C14orf132: variants seen among roughly 807,000 people sequenced by gnomAD.
C14orf132 encodes the protein chromosome 14 open reading frame 132.
In C14orf132, 6 loss-of-function variants were observed where a neutral mutation model predicts 5.8. That is an observed-to-expected ratio of 1.03 (90% confidence interval 0.57 to 2.04). The LOEUF (loss-of-function observed/expected upper bound fraction) is 2.04. C14orf132 is among the 30% of genes most tolerant of loss of function. C14orf132 has a pLI of 0.00. For missense variants in C14orf132, 125 were observed against 115.8 expected (o/e 1.08, Z -0.37); for synonymous variants, 51 against 49.8 (o/e 1.02, Z -0.10).
rs200478440 is a variant in C14orf132, at chr14:96,068,415, G to A, written c.28-18096G>A. Among the ~76,000 whole-genome samples the A allele has an allele frequency of 2.1e-4, 32 of 152,244 alleles. No individual in the cohort carries two copies. In the East Asian group the frequency reaches 2.9e-3, roughly 14 times the overall value. On this transcript the variant is annotated intron_variant, in intron 1 of 1. Transcript: ENST00000555004. ...ATCTTAGGCGGGGTGCTCCGTGCCC[G>A]TCCAGCGGGCACTCACTGCAGATTC... is the stretch of plus-strand genomic sequence containing the variant.
In C14orf132 at chr14:96,085,608, T is replaced by C. The variant is rs150454624; in HGVS notation, c.28-903T>C. 4.0e-4 allele frequency among the ~76,000 whole-genome samples: 61 copies of C among 152,330 alleles called. No individual in the cohort carries two copies. The East Asian group carries it at 0.011, about 26-fold the overall frequency. Reference sequence around the variant, plus strand: ...GTGCAGTGATGTGCGGCGTGGGCGGTGGGAATTAGGGAACCTCTTCTAGCG... The same window carrying C: ...GTGCAGTGATGTGCGGCGTGGGCGGCGGGAATTAGGGAACCTCTTCTAGCG... On this transcript the variant is annotated intron_variant, in intron 1 of 1. Coordinates refer to ENST00000555004, the MANE Select transcript of C14orf132 (RefSeq NM_001252507.3).
At chr14:96,053,673 C>T (rs957437228) in intron 1 of C14orf132, among the ~76,000 whole-genome samples, 16 of 152,312 alleles carry the variant, frequency 1.1e-4, no homozygotes, top group Non-Finnish European at 2.1e-4. Context: ...CCCATGATGG[C>T]CTTTGCCTGT....
chr14:96,061,393 C>T (rs1416734720), intron 1 of C14orf132, among the ~76,000 whole-genome samples: 2 of 152,104 alleles, frequency 1.3e-5, no homozygotes, highest in Non-Finnish European at 2.9e-5. Context: ...GGCATGTATT[C>T]GCACCCCTTA....
chr14:96,066,792 T>C, intron 1 of C14orf132, among the ~76,000 whole-genome samples: 1 of 152,298 alleles, frequency 6.6e-6, no homozygotes, highest in African/African-American at 2.4e-5. Flanking sequence ...TAATGTAATA[T>C]AATAGAATGT....
intron 1 of C14orf132, among the ~76,000 whole-genome samples, chr14:96,073,709 AATT>A (rs1359189426): frequency 6.6e-6 from 1 of 152,192 alleles, no homozygotes; most frequent in Non-Finnish European, 1.5e-5. Flanking sequence ...ATATATAATA[AATT>A]ATTCTATTAA....
chr14:96,061,458 C>T (rs1054934537), intron 1 of C14orf132, among the ~76,000 whole-genome samples: 6 of 152,144 alleles, frequency 3.9e-5, no homozygotes, highest in African/African-American at 9.7e-5. Flanking sequence ...AAACAGCAAA[C>T]GTGGCTGCCT....
chr14:96,056,533 G>A (rs566181335), intron 1 of C14orf132, among the ~76,000 whole-genome samples: 570 of 152,268 alleles, frequency 3.7e-3, no homozygotes, highest in Non-Finnish European at 6.1e-3. Context: ...TGGGTGACTT[G>A]AGCACATCAC....
chr14:96,078,433 C>A (rs75745359), intron 1 of C14orf132, among the ~76,000 whole-genome samples: 2,260 of 152,292 alleles, frequency 0.015, 74 homozygotes, highest in African/African-American at 0.052. Context: ...AAGGCAAAAA[C>A]CCCAGTAAGC....
chr14:96,073,351 A>T (rs959456499), intron 1 of C14orf132, among the ~76,000 whole-genome samples: 1 of 152,164 alleles, frequency 6.6e-6, no homozygotes, highest in African/African-American at 2.4e-5. Context: ...GTTGTTTTCC[A>T]GCCTCATTAA....
chr14:96,041,920 G>A (rs1886703849), intron 1 of C14orf132, among the ~76,000 whole-genome samples: 1 of 152,228 alleles, frequency 6.6e-6, no homozygotes. Context: ...AGACACAGAG[G>A]GGAATGGCTA....
In C14orf132 at chr14:96,091,196, CT is replaced by C. The variant is rs921411978; in HGVS notation, c.*4462del. The C allele has an allele frequency of 4.4e-5, 16 of 364,700 alleles. No homozygotes were observed. The highest frequency in any genetic ancestry group is 3.4e-4 in the African/African-American group (16 of 46,980). The allele number at this position is 364,700 out of a possible 1,614,324, so 22.6% of individuals were successfully genotyped here. ...CATCATGCCCACCAGGGTGATCCCC[CT>C]GGGATGGACCATCTCGGGATATGAG... On this transcript the variant is annotated 3_prime_UTR_variant, in exon 2 of 2. Transcript: ENST00000555004.
At chr14:96,054,457 C>G (rs12433572) in intron 1 of C14orf132, among the ~76,000 whole-genome samples, 12,434 of 152,202 alleles carry the variant, frequency 0.082, 640 homozygotes, top group East Asian at 0.17. Context: ...TCCCGGCCTG[C>G]CTCCACCACT....
chr14:96,057,904 G>A (rs1258852410), intron 1 of C14orf132, among the ~76,000 whole-genome samples: 2 of 152,148 alleles, frequency 1.3e-5, no homozygotes, highest in Non-Finnish European at 2.9e-5. Context: ...GGAGGTTGGA[G>A]AAGTTAACCT....
chr14:96,066,668 G>A (rs943392556), intron 1 of C14orf132, among the ~76,000 whole-genome samples: 4 of 152,042 alleles, frequency 2.6e-5, no homozygotes, highest in South Asian at 2.1e-4. Flanking sequence ...GACTCAACCC[G>A]TATCCTACAA....
chr14:96,081,312 C>T lies in C14orf132; in HGVS notation c.28-5199C>T, dbSNP rs372518509. Among the ~76,000 whole-genome samples, 10 of 152,322 alleles carry T rather than the reference C, an allele frequency of 6.6e-5. No homozygotes were observed. In the South Asian group the frequency reaches 1.2e-3, roughly 19 times the overall value. On this transcript the variant is annotated intron_variant, in intron 1 of 1. Coordinates refer to ENST00000555004, the MANE Select transcript of C14orf132 (RefSeq NM_001252507.3). Reference sequence around the variant, plus strand: ...AACCTCCCAGCAGCCCCCTTCTATACGGCTGTCTTTATTATTTCCTCTGTT... The same window carrying T: ...AACCTCCCAGCAGCCCCCTTCTATATGGCTGTCTTTATTATTTCCTCTGTT...
Position 96,086,641 on chromosome 14 carries a change from G to A in C14orf132, c.158G>A (p.Arg53Gln), listed in dbSNP as rs1188567084. The change falls in exon 2 of 2, where the codon CGG becomes CAG. Residue 53 changes from arginine (R) to glutamine (Q), a missense_variant. By Grantham distance (43) the Arg-to-Gln change is conservative. Transcript: ENST00000555004. The stretch of plus-strand genomic sequence containing the variant: ...CAGGGCCAGCCGGAAGATCCTCCTC[G>A]GTCCTCCAACGACGCCGTCTTGCTA... ...NGQGQPEDPP[R>Q]SSNDAVLLWI... 2.9e-5 allele frequency: 45 copies of A among 1,536,144 alleles called. No homozygotes were observed. The East Asian group carries it at 7.8e-4, about 27-fold the overall frequency.
intron 1 of C14orf132, among the ~76,000 whole-genome samples, chr14:96,065,327 G>A (rs1288546877): frequency 6.6e-6 from 1 of 152,128 alleles, no homozygotes; most frequent in Non-Finnish European, 1.5e-5. Flanking sequence ...CTCCAGTGGA[G>A]AATCTGGCCT....
chr14:96,071,239 T>G (rs10141319), intron 1 of C14orf132, among the ~76,000 whole-genome samples: 2 of 152,008 alleles, frequency 1.3e-5, no homozygotes, highest in African/African-American at 4.8e-5. Flanking sequence ...TATAAAGCCA[T>G]GAGATTGTGT....
At chr14:96,078,008 T>C (rs768004003) in intron 1 of C14orf132, among the ~76,000 whole-genome samples, 1 of 152,254 alleles carries the variant, frequency 6.6e-6, no homozygotes, top group Non-Finnish European at 1.5e-5. Context: ...CCCCTGACAC[T>C]GTCTAGCTCC....
Sources: allele counts gnomAD v4.1 joint callset (sites outside exome capture counted in the v4.1 genomes callset), GRCh38; gene constraint gnomAD v4.1.1; transcripts MANE v1.5; gene names NCBI Gene and HGNC (gene_info 2026-07-23, HGNC 2026-07-21).